BNC2: variants seen among roughly 807,000 people sequenced by gnomAD.
BNC2 encodes zinc finger protein basonuclin-2.
A neutral mutation model predicts 76.3 loss-of-function variants in BNC2; 20 were observed. The ratio of observed to expected loss-of-function variants is 0.26; its 90% CI spans 0.18 to 0.38. BNC2 has a LOEUF of 0.38. Among genes scored for constraint, BNC2 ranks in the 10% least tolerant of loss-of-function variants. The probability of loss-of-function intolerance (pLI) is 1.00; values close to 1 mark genes in which losing one functional copy is unlikely to be tolerated. For synonymous variants in BNC2, 582 were observed against 514.8 expected (o/e 1.13, Z -1.77); for missense variants, 1,382 against 1,399.8 (o/e 0.99, Z 0.20).
intron 3 of BNC2, among the ~76,000 whole-genome samples, chr9:16,725,357 T>C (rs1326150744): frequency 6.6e-6 from 1 of 152,058 alleles, no homozygotes; most frequent in Non-Finnish European, 1.5e-5. Context: ...AGTTATGTAA[T>C]ATTTATACAA....
At chr9:16,810,690 T>A (rs1186239001) in intron 1 of BNC2, among the ~76,000 whole-genome samples, 4 of 152,090 alleles carry the variant, frequency 2.6e-5, no homozygotes, top group Non-Finnish European at 5.9e-5. Flanking sequence ...GCATCACACA[T>A]AGTAAGGATA....
rs371813500 is a variant in BNC2, at chr9:16,780,027, C to G, written c.4-41542G>C. Among the ~76,000 whole-genome samples, 164 of 146,750 alleles carry G rather than the reference C, an allele frequency of 1.1e-3. 2 individuals carry two copies. The South Asian group carries it at 0.011, about 10-fold the overall frequency. ...CGAGGCGGGCGGATCACAAGGTCAG[C>G]AGATCGAGACCATCCTGGCTAACAT... On this transcript the variant is annotated intron_variant, in intron 1 of 6. Transcript: ENST00000380672.
chr9:16,770,440 G>C (rs1461176910), intron 1 of BNC2, among the ~76,000 whole-genome samples: 1 of 152,134 alleles, frequency 6.6e-6, no homozygotes, highest in Non-Finnish European at 1.5e-5. Flanking sequence ...AAATTAACTT[G>C]GTCTTTGGCT....
At chr9:16,476,021 C>T (rs538031554) in intron 5 of BNC2, 1 of 152,150 alleles carries the variant, frequency 6.6e-6, no homozygotes. Flanking sequence ...CAAAAGATCT[C>T]CTATCAACTC....
intron 2 of BNC2, among the ~76,000 whole-genome samples, chr9:16,732,803 G>A (rs1383153056): frequency 1.3e-5 from 2 of 152,152 alleles, no homozygotes; most frequent in Admixed American, 6.5e-5. Context: ...TAATAAAAAT[G>A]ACGCTCCACA....
intron 1 of BNC2, among the ~76,000 whole-genome samples, chr9:16,847,545 G>C (rs372286446): frequency 1.3e-4 from 20 of 152,102 alleles, no homozygotes; most frequent in African/African-American, 4.8e-4. Flanking sequence ...TGAAGTGCTA[G>C]TCACAGGTTT....
intron 3 of BNC2, among the ~76,000 whole-genome samples, chr9:16,640,770 G>C (rs1821470451): frequency 6.6e-6 from 1 of 152,124 alleles, no homozygotes; most frequent in African/African-American, 2.4e-5. Flanking sequence ...CAGCATAACA[G>C]ACTAGCTAGG....
intron 6 of BNC2, among the ~76,000 whole-genome samples, chr9:16,433,705 GGT>G (rs1236350518): frequency 6.6e-6 from 1 of 152,094 alleles, no homozygotes; most frequent in African/African-American, 2.4e-5. Context: ...TCAAACACTG[GGT>G]GTGTAGCCTT....
chr9:16,572,783 G>A (rs183078082), intron 4 of BNC2, among the ~76,000 whole-genome samples: 4 of 152,246 alleles, frequency 2.6e-5, no homozygotes, highest in African/African-American at 9.6e-5. Context: ...AGAGTTTACA[G>A]TGGTGACTCA....
At chr9:16,458,451 T>C (rs759388547) in intron 5 of BNC2, among the ~76,000 whole-genome samples, 6 of 152,200 alleles carry the variant, frequency 3.9e-5, no homozygotes, top group Non-Finnish European at 8.8e-5. Context: ...TGTATTCAAA[T>C]AGGGTAGAAA....
At chr9:16,850,591 T>C (rs1039218933) in intron 1 of BNC2, among the ~76,000 whole-genome samples, 2 of 152,300 alleles carry the variant, frequency 1.3e-5, no homozygotes, top group African/African-American at 4.8e-5. Flanking sequence ...AAAAATAGGC[T>C]GGGGGTGGTA....
intron 3 of BNC2, chr9:16,704,668 T>C (rs1201143273): frequency 8.4e-6 from 1 of 119,634 alleles, no homozygotes; most frequent in East Asian, 2.3e-4. Context: ...AAACCGTTAT[T>C]ACAGAGAAAT....
intron 1 of BNC2, among the ~76,000 whole-genome samples, chr9:16,776,886 G>A (rs544869038): frequency 4.1e-4 from 63 of 152,228 alleles, no homozygotes; most frequent in Non-Finnish European, 6.3e-4. Context: ...AGCACTTTGG[G>A]AGTCCAAGGT....
chr9:16,865,184 A>C (rs1038199366), intron 1 of BNC2, among the ~76,000 whole-genome samples: 1 of 152,110 alleles, frequency 6.6e-6, no homozygotes, highest in African/African-American at 2.4e-5. Flanking sequence ...CTCATGAACC[A>C]CAAGTTCCAA....
intron 3 of BNC2, among the ~76,000 whole-genome samples, chr9:16,703,126 G>A (rs1296104145): frequency 1.3e-5 from 2 of 152,060 alleles, no homozygotes; most frequent in Non-Finnish European, 2.9e-5. Flanking sequence ...ATTATGAAAG[G>A]AAACTTTTAA....
Position 16,748,152 on chromosome 9 carries a change from G to A in BNC2, c.4-9667C>T, listed in dbSNP as rs1411994957. Among the ~76,000 whole-genome samples the A allele has an allele frequency of 1.2e-4, 18 of 152,274 alleles. No homozygotes were observed. The East Asian group carries it at 3.3e-3, about 28-fold the overall frequency. On this transcript the variant is annotated intron_variant, in intron 1 of 6. Transcript: ENST00000380672. ...AACAGGAGAAAGAGAGAGTAGAAAA[G>A]AAAAACTGAGGAGGTAACAAATACT...
chr9:16,759,464 G>A (rs1825490068), intron 1 of BNC2, among the ~76,000 whole-genome samples: 1 of 151,948 alleles, frequency 6.6e-6, no homozygotes, highest in Non-Finnish European at 1.5e-5. Context: ...TGTCTTGATA[G>A]AAGTTTATAA....
chr9:16,762,005 T>C (rs1057122337), intron 1 of BNC2, among the ~76,000 whole-genome samples: 3 of 152,202 alleles, frequency 2.0e-5, no homozygotes, highest in South Asian at 2.1e-4. Flanking sequence ...GCAAAACTTT[T>C]TAGCCAAGAA....
At chr9:16,589,561 T>C (rs1222646079) in intron 3 of BNC2, among the ~76,000 whole-genome samples, 1 of 151,742 alleles carries the variant, frequency 6.6e-6, no homozygotes, top group Non-Finnish European at 1.5e-5. Flanking sequence ...CAGGCTGGAG[T>C]ACGGTGGTGC....
Sources: allele counts gnomAD v4.1 joint callset (sites outside exome capture counted in the v4.1 genomes callset), GRCh38; gene constraint gnomAD v4.1.1; transcripts MANE v1.5; gene names NCBI Gene and HGNC (gene_info 2026-07-23, HGNC 2026-07-21).